Variants in SYNE2 observed in about 807,000 individuals in gnomAD.
SYNE2 encodes the protein nesprin-2.
A neutral mutation model predicts 856.3 loss-of-function variants in SYNE2; 431 were observed. The observed-to-expected ratio is 0.50, with a 90% CI of 0.47 to 0.55. SYNE2 has a LOEUF of 0.55. Ranked by LOEUF, SYNE2 falls within the 20% of genes least tolerant of loss-of-function variation. SYNE2 has a pLI of 0.00. For synonymous variants in SYNE2, 2,923 were observed against 2,872.3 expected, an observed-to-expected ratio of 1.02 and a Z score of -0.56; for missense variants, 8,129 against 8,023.2, an observed-to-expected ratio of 1.01 and a Z score of -0.50.
chr14:64,141,904 C>G, intron 81 of SYNE2, 38 bp from the exon 82 acceptor site: 3 of 1,575,418 alleles, frequency 1.9e-6, no homozygotes, highest in Non-Finnish European at 2.6e-6. Context: ...ATTTTGTTAA[C>G]TGCAGGCAAT....
At chr14:64,114,109 G>A (rs1371492699) in intron 66 of SYNE2, among the ~76,000 whole-genome samples, 1 of 152,106 alleles carries the variant, frequency 6.6e-6, no homozygotes, top group African/African-American at 2.4e-5. Flanking sequence ...CAAAATTGAA[G>A]ATACAGCATA....
intron 109 of SYNE2, 81 bp from the exon 110 acceptor site, chr14:64,219,126 AC>A: frequency 1.8e-5 from 15 of 816,260 alleles, no homozygotes; most frequent in East Asian, 4.6e-5. Context: ...TTTTTTTTTA[AC>A]CACCCTGACC....
At chr14:63,838,540 G>A (rs1390769614) in intron 1 of SYNE2, among the ~76,000 whole-genome samples, 3 of 150,256 alleles carry the variant, frequency 2.0e-5, no homozygotes, top group Non-Finnish European at 4.4e-5. Context: ...TTTTTAACAG[G>A]GTCTTGCTGT....
intron 1 of SYNE2, among the ~76,000 whole-genome samples, chr14:63,827,158 A>C (rs1889461330): frequency 6.6e-6 from 1 of 151,810 alleles, no homozygotes; most frequent in South Asian, 2.1e-4. Flanking sequence ...CATACCTGGA[A>C]TCCCAGCTAC....
At position 64,051,666 on chromosome 14, in the gene SYNE2, T is replaced by C; in HGVS notation, c.7753T>C (p.Ser2585Pro). The C allele has an allele frequency of 6.2e-7, 1 of 1,614,206 alleles. No homozygotes were observed. The highest frequency in any genetic ancestry group is 8.5e-7 in the Non-Finnish European group (1 of 1,180,030). The change falls in exon 48 of 116, where the codon TCA (serine) becomes CCA (proline). Residue 2585 changes from serine (S) to proline (P), a missense_variant. By Grantham distance (74) the Ser-to-Pro change is moderately conservative. This residue lies in a region of SYNE2 where 5,410 missense variants were observed against 5,284.8 expected (regional missense o/e 1.02). Transcript: ENST00000555002. Reference sequence around the variant, plus strand: ...CTTGAAAATCAAATGGGAGAATTTATCAAACCACGTGACTGACATGGATAA... The same window carrying C: ...CTTGAAAATCAAATGGGAGAATTTACCAAACCACGTGACTGACATGGATAA... ...GNLKIKWENL[S>P]NHVTDMDKKL...
At chr14:63,831,384 A>G (rs890415233) in intron 1 of SYNE2, among the ~76,000 whole-genome samples, 1 of 152,024 alleles carries the variant, frequency 6.6e-6, no homozygotes, top group Non-Finnish European at 1.5e-5. Flanking sequence ...CTAATGTTGT[A>G]GAAGAAAAAG....
intron 96 of SYNE2, among the ~76,000 whole-genome samples, chr14:64,184,801 T>C (rs181905742): frequency 9.2e-5 from 14 of 152,372 alleles, no homozygotes; most frequent in Non-Finnish European, 1.6e-4. Context: ...TGTTAATTCC[T>C]CAATCTTCAT....
At position 64,089,639 on chromosome 14, in the gene SYNE2, C is replaced by A. The variant is rs111652000; in HGVS notation, c.11736C>A (p.Ile3912=). ...MEKRVSKIKT[I]LLSKEIFDFS... is the part of the protein sequence containing the mutation. Reference sequence around the variant, plus strand: ...AAAGAGTTTCAAAAATCAAAACTATCCTATTATCAAAAGAAATATTTGATT... The same window carrying A: ...AAAGAGTTTCAAAAATCAAAACTATACTATTATCAAAAGAAATATTTGATT... Residue 3912 remains isoleucine, a synonymous_variant, in exon 59 of 116, where the codon ATC becomes ATA. Transcript: ENST00000555002. The A allele has an allele frequency of 2.5e-6, 4 of 1,603,482 alleles. No homozygotes were observed. The highest frequency in any genetic ancestry group is 3.4e-6 in the Non-Finnish European group (4 of 1,171,164).
chr14:63,838,717 C>A (rs1031629137), intron 1 of SYNE2, among the ~76,000 whole-genome samples: 6 of 151,962 alleles, frequency 3.9e-5, no homozygotes, highest in African/African-American at 1.4e-4. Flanking sequence ...CTATGTTTCC[C>A]CAGCTTGCCT....
At chr14:63,987,436 A>G (rs17824172) in intron 19 of SYNE2, among the ~76,000 whole-genome samples, 7,818 of 152,246 alleles carry the variant, frequency 0.051, 263 homozygotes, top group Admixed American at 0.093. Flanking sequence ...TCTTAATATC[A>G]CTTAGTTCTC....
intron 1 of SYNE2, among the ~76,000 whole-genome samples, chr14:63,900,587 T>TAA (rs1186406888): frequency 6.6e-6 from 1 of 152,166 alleles, no homozygotes; most frequent in African/African-American, 2.4e-5. Context: ...TTGTGGGAGT[T>TAA]AAAATTCAGG....
At chr14:63,980,568 G>A (rs1048952144) in intron 14 of SYNE2, 86 bp from the exon 15 acceptor site, 23 of 883,166 alleles carry the variant, frequency 2.6e-5, no homozygotes, top group African/African-American at 6.7e-5. Flanking sequence ...TCTGTCCTTC[G>A]TTGAATGGCT....
chr14:63,834,076 G>A (rs2139904952), intron 1 of SYNE2, among the ~76,000 whole-genome samples: 2 of 151,964 alleles, frequency 1.3e-5, no homozygotes, highest in South Asian at 4.2e-4. Flanking sequence ...TCATTTTTTT[G>A]GTAATCTCCT....
chr14:63,815,045 T>C (rs932707026), intron 1 of SYNE2, among the ~76,000 whole-genome samples: 5 of 129,798 alleles, frequency 3.9e-5, no homozygotes, highest in African/African-American at 1.4e-4. Context: ...TACATCCACA[T>C]ATATATATCC....
chr14:64,032,024 AGTCAGGGTCCGGT>A (rs2097041461), intron 45 of SYNE2, among the ~76,000 whole-genome samples: 1 of 152,226 alleles, frequency 6.6e-6, no homozygotes, highest in African/African-American at 2.4e-5. Context: ...AGCTTCTCAC[AGTCAGGGTCCGGT>A]GGGACAGTAG....
intron 60 of SYNE2, among the ~76,000 whole-genome samples, chr14:64,091,277 G>A (rs1035027057): frequency 6.6e-6 from 1 of 152,152 alleles, no homozygotes; most frequent in African/African-American, 2.4e-5. Context: ...TTCCACAGTT[G>A]TTGACCTACA....
chr14:64,070,549 T>G, intron 51 of SYNE2, 96 bp from the exon 52 acceptor site: 11 of 1,061,446 alleles, frequency 1.0e-5, no homozygotes, highest in Non-Finnish European at 1.5e-5. Flanking sequence ...CTAGGAACCC[T>G]TTGAAGAGAG....
intron 7 of SYNE2, among the ~76,000 whole-genome samples, chr14:63,952,917 A>G (rs2096185570): frequency 6.6e-6 from 1 of 152,220 alleles, no homozygotes; most frequent in Admixed American, 6.5e-5. Context: ...AGGACACTAT[A>G]GTTGTTCTAG....
chr14:64,038,857 G>GGGGAGAGGGAGA (rs138345804), intron 45 of SYNE2, among the ~76,000 whole-genome samples: 2 of 151,578 alleles, frequency 1.3e-5, no homozygotes, highest in South Asian at 2.1e-4. Context: ...GGGAGACCGT[G>GGGGAGAGGGAGA]GGGAGAGGGA....
Sources: gnomAD v4.1 joint callset for allele counts (sites outside exome capture counted in the v4.1 genomes callset) on GRCh38, gnomAD v4.1.1 for gene constraint, gnomAD v4.1.1 regional missense constraint, MANE v1.5 for transcripts, NCBI Gene and HGNC (gene_info 2026-07-23, HGNC 2026-07-21) for gene names.